The following USP48 variants were observed in gnomAD, a reference collection of about 807,000 sequenced individuals.
The protein encoded by USP48 is ubiquitin carboxyl-terminal hydrolase 48.
Under a neutral mutation model 150.7 loss-of-function variants are expected in USP48, and 43 were observed. That is an observed-to-expected ratio of 0.29 (90% CI 0.22 to 0.37). USP48 has a LOEUF of 0.37. Ranked by LOEUF, USP48 falls within the 10% of genes least tolerant of loss-of-function variation. The probability of loss-of-function intolerance (pLI) is 1.00; values close to 1 mark genes in which losing one functional copy is unlikely to be tolerated. For synonymous variants in USP48, 396 were observed against 425.9 expected, an observed-to-expected ratio of 0.93 and a Z score of 0.86; for missense variants, 813 against 1,249.6, an observed-to-expected ratio of 0.65 and a Z score of 5.27.
rs1217918011 is a variant in USP48, at chr1:21,747,056, A to G, written c.991+11T>C. ...AGCATTATAATGTTTACTCCTCAGT[A>G]AAAATATTACCTTTATGTTCCACAT... On this transcript the variant is annotated intron_variant, in intron 8 of 26. Transcript: ENST00000308271. 6 of 1,591,430 alleles carry G rather than the reference A, an allele frequency of 3.8e-6. No individual in the cohort carries two copies. The highest frequency in any genetic ancestry group is 4.3e-6 in the Non-Finnish European group (5 of 1,165,838).
intron 1 of USP48, among the ~76,000 whole-genome samples, chr1:21,778,152 A>C (rs1316493059): frequency 6.6e-6 from 1 of 151,868 alleles, no homozygotes; most frequent in African/African-American, 2.4e-5. Flanking sequence ...GAAAAAAAAA[A>C]ACAAAACAAA....
intron 9 of USP48, among the ~76,000 whole-genome samples, chr1:21,731,731 A>G (rs190353146): frequency 1.0e-3 from 154 of 152,058 alleles, no homozygotes; most frequent in Non-Finnish European, 1.9e-3. Context: ...AACTATAAAA[A>G]TTAGCCAGGG....
intron 13 of USP48, 123 bp from the exon 14 acceptor site, chr1:21,721,289 A>G: frequency 3.7e-6 from 5 of 1,344,002 alleles, no homozygotes; most frequent in Non-Finnish European, 5.0e-6. Context: ...TGTACATGTA[A>G]TTGATTTTAA....
Position 21,721,782 on chromosome 1 carries a change from T to C in USP48, c.1649-18A>G, listed in dbSNP as rs2097721444. 2.0e-6 allele frequency: 3 copies of C among 1,504,186 alleles called. No individual in the cohort carries two copies. The highest frequency in any genetic ancestry group is 1.8e-6 in the Non-Finnish European group (2 of 1,105,610). 93.2% of individuals were successfully genotyped at this position (1,504,186 alleles called of 1,614,324 possible). ...GGCTTTCACTACAGGCAAGAAAGAA[T>C]GAAAGGAAATATATTTCATTCAAAC... On this transcript the variant is annotated intron_variant, in intron 12 of 26. Transcript: ENST00000308271.
intron 12 of USP48, among the ~76,000 whole-genome samples, chr1:21,722,484 C>A (rs1004716979): frequency 6.7e-6 from 1 of 150,086 alleles, no homozygotes; most frequent in African/African-American, 2.5e-5. Context: ...GGCTGTAGTG[C>A]ACTACGATTC....
At chr1:21,736,998 T>G (rs940421498) in intron 8 of USP48, among the ~76,000 whole-genome samples, 1 of 152,174 alleles carries the variant, frequency 6.6e-6, no homozygotes, top group African/African-American at 2.4e-5. Context: ...GTTACGAAAC[T>G]TAAAACTTAT....
At chr1:21,768,560 T>C (rs368331969) in intron 1 of USP48, 10 of 152,290 alleles carry the variant, frequency 6.6e-5, no homozygotes, top group Non-Finnish European at 1.2e-4. Flanking sequence ...CTTAATCTTA[T>C]TGGCAGCATG....
intron 15 of USP48, among the ~76,000 whole-genome samples, chr1:21,713,864 G>A (rs1314216714): frequency 2.0e-5 from 3 of 152,152 alleles, no homozygotes; most frequent in Non-Finnish European, 4.4e-5. Context: ...AGGGTGATAC[G>A]ATGGAAAGAA....
At chr1:21,755,447 A>G (rs1395327835) in intron 3 of USP48, among the ~76,000 whole-genome samples, 4 of 151,984 alleles carry the variant, frequency 2.6e-5, no homozygotes, top group Non-Finnish European at 5.9e-5. Flanking sequence ...TGTAGTTCCA[A>G]CTACTCGGGG....
Position 21,782,827 on chromosome 1 carries a change from C to T in USP48, c.131G>A (p.Cys44Tyr). Reference sequence around the variant, plus strand: ...AGGCGCGGTGCGCGGGCCTCACCTGCACACGCCGCGAATGCAGGGCTCCAG... The same window carrying T: ...AGGCGCGGTGCGCGGGCCTCACCTGTACACGCCGCGAATGCAGGGCTCCAG... ...IWLEPCIRGVCRRNCKGNPNC... is the reference protein window; with the variant it reads ...IWLEPCIRGVYRRNCKGNPNC... Residue 44 changes from cysteine to tyrosine, a missense_variant, in exon 1 of 27, where the codon TGC (cysteine) becomes TAC (tyrosine). Transcript: ENST00000308271. 1 of 1,552,926 alleles carries T rather than the reference C, an allele frequency of 6.4e-7. No homozygotes were observed.
chr1:21,781,290 T>A (rs1229565019), intron 1 of USP48, among the ~76,000 whole-genome samples: 1 of 151,080 alleles, frequency 6.6e-6, no homozygotes, highest in African/African-American at 2.4e-5. Flanking sequence ...TAAAAAAAAA[T>A]TAGCCGGGCA....
chr1:21,748,108 C>T (rs1261003335), intron 7 of USP48, 30 bp downstream of exon 7: 3 of 1,602,372 alleles, frequency 1.9e-6, no homozygotes, highest in Non-Finnish European at 2.6e-6. Context: ...CCACAATGAA[C>T]AACAAACACT....
chr1:21,718,547 T>C (rs559129611), intron 14 of USP48, among the ~76,000 whole-genome samples: 17 of 148,676 alleles, frequency 1.1e-4, no homozygotes, highest in Admixed American at 2.8e-4. Flanking sequence ...GACACTGATA[T>C]ATAAAGAGGC....
chr1:21,734,548 A>G (rs1281512323), intron 9 of USP48, among the ~76,000 whole-genome samples: 1 of 152,236 alleles, frequency 6.6e-6, no homozygotes, highest in Non-Finnish European at 1.5e-5. Flanking sequence ...GTTCCTGCCT[A>G]CTGGACACCT....
rs2097559202 is a variant in USP48 at position 21,679,413 on chromosome 1, A to G, written c.*4T>C. 1 of 1,614,032 alleles carries G rather than the reference A, an allele frequency of 6.2e-7. No individual in the cohort carries two copies. Among genetic ancestry groups the G allele is most frequent in the Non-Finnish European group, 8.5e-7 (1 of 1,180,036 alleles). ...TTTCTTAGCAGTCAGCAAGTATTCAAAGATTAATGTCCAAGAAGACCAGTA... is the reference window on the plus strand; with the variant it reads ...TTTCTTAGCAGTCAGCAAGTATTCAGAGATTAATGTCCAAGAAGACCAGTA... On this transcript the variant is annotated 3_prime_UTR_variant, in exon 27 of 27. Coordinates refer to ENST00000308271, the MANE Select transcript of USP48 (RefSeq NM_032236.8).
intron 8 of USP48, among the ~76,000 whole-genome samples, chr1:21,742,463 G>C (rs2097784073): frequency 6.6e-6 from 1 of 151,450 alleles, no homozygotes; most frequent in African/African-American, 2.4e-5. Flanking sequence ...AGAATCGCTT[G>C]AACCTGGGAG....
intron 9 of USP48, among the ~76,000 whole-genome samples, chr1:21,730,256 AACATGG>A (rs1481265437): frequency 1.3e-5 from 2 of 151,962 alleles, no homozygotes; most frequent in Admixed American, 6.6e-5. Flanking sequence ...GCCTGGCCAA[AACATGG>A]AGAAGCCCTG....
At position 21,752,655 on chromosome 1, in the gene USP48, C is replaced by T. The variant is rs560193259; in HGVS notation, c.541-4G>A. Reference sequence around the variant, plus strand: ...GCTTTGAAAATTCTTGAGCATCCTACAAGTTTAGGTTAATGAAAAGAAAAA... The same window carrying T: ...GCTTTGAAAATTCTTGAGCATCCTATAAGTTTAGGTTAATGAAAAGAAAAA... On this transcript the variant is annotated splice_polypyrimidine_tract_variant and splice_region_variant and intron_variant, in intron 4 of 26. Transcript: ENST00000308271. The T allele has an allele frequency of 2.8e-5, 44 of 1,591,722 alleles. No homozygotes were observed. The highest frequency in any genetic ancestry group is 3.4e-4 in the Middle Eastern group (2 of 5,954).
intron 15 of USP48, among the ~76,000 whole-genome samples, chr1:21,714,357 C>T (rs1321829247): frequency 6.6e-6 from 1 of 152,100 alleles, no homozygotes; most frequent in African/African-American, 2.4e-5. Flanking sequence ...CTCACTCTAG[C>T]CTCAAACTCC....
Sources: allele counts gnomAD v4.1 joint callset (sites outside exome capture counted in the v4.1 genomes callset), GRCh38; gene constraint gnomAD v4.1.1; transcripts MANE v1.5; gene names NCBI Gene and HGNC (gene_info 2026-07-23, HGNC 2026-07-21).